OR1J2: variants seen among roughly 807,000 people sequenced by gnomAD.
OR1J2 encodes olfactory receptor 1J2.
For missense variants in OR1J2, 304 were observed against 246.1 expected (o/e 1.24, Z -1.57); for synonymous variants, 142 against 99.7 (o/e 1.42, Z -2.52).
the OR1J2 span, chr9:122,519,921 C>T: frequency 6.2e-7 from 1 of 1,614,144 alleles, no homozygotes. Flanking sequence ...ACTGTATTTT[C>T]TCCCCTCATC....
the OR1J2 span, chr9:122,527,344 A>C: frequency 1.5e-5 from 17 of 1,160,150 alleles, no homozygotes; most frequent in East Asian, 2.5e-5. Context: ...GCTAGATTTC[A>C]TCTACAACTG....
the OR1J2 span, among the ~76,000 whole-genome samples, chr9:122,563,566 T>C: frequency 6.6e-6 from 1 of 152,268 alleles, no homozygotes; most frequent in African/African-American, 2.4e-5. Flanking sequence ...GTAGGTTGTC[T>C]CTTTGCTCTG....
the OR1J2 span, among the ~76,000 whole-genome samples, chr9:122,474,449 G>C: frequency 6.6e-6 from 1 of 152,102 alleles, no homozygotes; most frequent in Non-Finnish European, 1.5e-5. Flanking sequence ...AACTACAACA[G>C]GTCTATCCCA....
the OR1J2 span, among the ~76,000 whole-genome samples, chr9:122,453,695 C>A: frequency 6.6e-6 from 1 of 152,178 alleles, no homozygotes; most frequent in South Asian, 2.1e-4. Flanking sequence ...TCAATATTCA[C>A]CTCTCAGACA....
chr9:122,496,010 T>A, the OR1J2 span, among the ~76,000 whole-genome samples: 1 of 152,010 alleles, frequency 6.6e-6, no homozygotes, highest in East Asian at 1.9e-4. Flanking sequence ...TACTGGGGAG[T>A]ATCTACAAAG....
chr9:122,543,166 A>G, the OR1J2 span, among the ~76,000 whole-genome samples: 1 of 152,132 alleles, frequency 6.6e-6, no homozygotes, highest in African/African-American at 2.4e-5. Context: ...GCCACTTTAC[A>G]TTTCTACCAG....
chr9:122,580,024 A>G, the OR1J2 span, among the ~76,000 whole-genome samples: 1 of 152,224 alleles, frequency 6.6e-6, no homozygotes, highest in Non-Finnish European at 1.5e-5. Flanking sequence ...CTGCAGCCCA[A>G]CTATCAGGAA....
chr9:122,491,047 A>T, the OR1J2 span, among the ~76,000 whole-genome samples: 2 of 152,186 alleles, frequency 1.3e-5, no homozygotes, highest in Non-Finnish European at 2.9e-5. Context: ...AGTGACCATG[A>T]TGTTAGAACT....
the OR1J2 span, among the ~76,000 whole-genome samples, chr9:122,542,269 G>A: frequency 6.6e-6 from 1 of 151,986 alleles, no homozygotes; most frequent in Non-Finnish European, 1.5e-5. Flanking sequence ...CCAATATTTT[G>A]GCTATTATGA....
the OR1J2 span, among the ~76,000 whole-genome samples, chr9:122,484,249 C>T: frequency 6.6e-6 from 1 of 152,076 alleles, no homozygotes; most frequent in African/African-American, 2.4e-5. Flanking sequence ...GCAACCTCCA[C>T]CTCCTGGGTT....
At chr9:122,535,104 AAAG>A in the OR1J2 span, among the ~76,000 whole-genome samples, 4 of 151,142 alleles carry the variant, frequency 2.6e-5, no homozygotes, top group African/African-American at 4.9e-5. Flanking sequence ...AGCCTAGAGA[AAAG>A]AGAGAGTAGA....
At chr9:122,542,006 G>A in the OR1J2 span, among the ~76,000 whole-genome samples, 5 of 152,188 alleles carry the variant, frequency 3.3e-5, no homozygotes, top group South Asian at 8.3e-4. Flanking sequence ...TGTCCTCTCA[G>A]AGGTAATTGC....
chr9:122,494,306 T>C, the OR1J2 span, among the ~76,000 whole-genome samples: 1 of 152,196 alleles, frequency 6.6e-6, no homozygotes, highest in African/African-American at 2.4e-5. Context: ...ATTGTTGTGT[T>C]GCCATCTATG....
the OR1J2 span, chr9:122,526,805 C>G: frequency 2.5e-6 from 4 of 1,614,118 alleles, no homozygotes; most frequent in Non-Finnish European, 2.5e-6. Context: ...AGAAGGACAA[C>G]CGAGCCATGA....
At chr9:122,555,315 T>G in the OR1J2 span, among the ~76,000 whole-genome samples, 2 of 152,314 alleles carry the variant, frequency 1.3e-5, no homozygotes, top group Admixed American at 6.5e-5. Context: ...CATTGCTCTT[T>G]GGTCATTCTA....
the OR1J2 span, among the ~76,000 whole-genome samples, chr9:122,521,599 G>A: frequency 3.9e-5 from 6 of 152,184 alleles, no homozygotes; most frequent in Admixed American, 3.9e-4. Context: ...TTGTTTACAG[G>A]CTTAGCCCCG....
downstream of OR1J2, among the ~76,000 whole-genome samples, chr9:122,514,048 G>T (rs750543046): frequency 6.6e-6 from 1 of 152,164 alleles, no homozygotes; most frequent in Non-Finnish European, 1.5e-5. Flanking sequence ...AATTATCACA[G>T]AAAATGAAAG....
chr9:122,542,135 T>G, the OR1J2 span, among the ~76,000 whole-genome samples: 135 of 152,338 alleles, frequency 8.9e-4, no homozygotes, highest in African/African-American at 3.2e-3. Context: ...TCTGTCAGAC[T>G]CAATCATGTT....
the OR1J2 span, chr9:122,520,031 A>G: frequency 6.2e-7 from 1 of 1,614,104 alleles, no homozygotes. Context: ...ACAGGGACAT[A>G]AAGGGAGCCC....
Sources: gnomAD v4.1 joint callset for allele counts (sites outside exome capture counted in the v4.1 genomes callset) on GRCh38, gnomAD v4.1.1 for gene constraint, MANE v1.5 for transcripts, NCBI Gene and HGNC (gene_info 2026-07-23, HGNC 2026-07-21) for gene names.